TBC1D22A: variants seen among roughly 807,000 people sequenced by gnomAD.
TBC1D22A encodes TBC1 domain family member 22A.
Under a neutral mutation model 60.2 loss-of-function variants are expected in TBC1D22A, and 38 were observed. The ratio of observed to expected loss-of-function variants is 0.63; its 90% CI spans 0.49 to 0.83. TBC1D22A has a LOEUF of 0.83. TBC1D22A is among the 40% of genes least tolerant of loss of function. TBC1D22A has a pLI of 0.00. For synonymous variants in TBC1D22A, 302 were observed against 281.7 expected (o/e 1.07, Z -0.72); for missense variants, 628 against 701.0 (o/e 0.90, Z 1.18).
At chr22:46,792,837 C>T (rs769265299) in intron 2 of TBC1D22A, 1 of 1,437,602 alleles carries the variant, frequency 7.0e-7, no homozygotes, top group East Asian at 2.5e-5. Context: ...CAGGAGCTGG[C>T]ATCCTTTAGC....
chr22:47,129,292 C>T (rs560861225), intron 12 of TBC1D22A, among the ~76,000 whole-genome samples: 1 of 152,336 alleles, frequency 6.6e-6, no homozygotes, highest in East Asian at 1.9e-4. Context: ...TCCCAGCCAA[C>T]ATGGTGAAAC....
intron 9 of TBC1D22A, among the ~76,000 whole-genome samples, chr22:46,981,765 C>T (rs1054621357): frequency 1.4e-4 from 21 of 152,160 alleles, no homozygotes; most frequent in Admixed American, 3.9e-4. Context: ...TGCCCAGTCT[C>T]GGGCAGTTCT....
At chr22:46,823,664 G>A (rs145511960) in intron 4 of TBC1D22A, among the ~76,000 whole-genome samples, 7 of 152,350 alleles carry the variant, frequency 4.6e-5, no homozygotes, top group East Asian at 1.9e-4. Flanking sequence ...TGCCTGGCAC[G>A]TGGGCAGTAC....
chr22:46,830,178 A>G (rs1400572885), intron 4 of TBC1D22A, among the ~76,000 whole-genome samples: 1 of 152,204 alleles, frequency 6.6e-6, no homozygotes, highest in Non-Finnish European at 1.5e-5. Flanking sequence ...CAAGGCGGGA[A>G]TGCATGGGGA....
At chr22:47,004,239 ATC>A (rs2061503757) in intron 10 of TBC1D22A, among the ~76,000 whole-genome samples, 1 of 149,240 alleles carries the variant, frequency 6.7e-6, no homozygotes, top group Admixed American at 6.7e-5. Context: ...ATATACACGC[ATC>A]TGCCATATAC....
chr22:47,084,747 C>G (rs2064609459), intron 11 of TBC1D22A, among the ~76,000 whole-genome samples: 1 of 152,102 alleles, frequency 6.6e-6, no homozygotes, highest in Admixed American at 6.5e-5. Context: ...ATAGTTTATG[C>G]TTATCTTTAT....
chr22:47,134,115 G>A (rs927353961), intron 12 of TBC1D22A, among the ~76,000 whole-genome samples: 9 of 152,256 alleles, frequency 5.9e-5, no homozygotes, highest in South Asian at 2.1e-4. Context: ...TCCCTTGCAC[G>A]TTTCTGCCTG....
chr22:46,889,677 T>A (rs2068295287), intron 5 of TBC1D22A, among the ~76,000 whole-genome samples: 2 of 152,172 alleles, frequency 1.3e-5, no homozygotes, highest in Non-Finnish European at 2.9e-5. Flanking sequence ...TCACAGCTGA[T>A]TCACGTAACT....
chr22:46,987,977 C>A (rs564593942), intron 9 of TBC1D22A, among the ~76,000 whole-genome samples: 1 of 152,230 alleles, frequency 6.6e-6, no homozygotes, highest in South Asian at 2.1e-4. Context: ...TGTTCTGAAT[C>A]CTTTGTTGTC....
intron 8 of TBC1D22A, among the ~76,000 whole-genome samples, chr22:46,959,062 C>T (rs1004683996): frequency 6.6e-6 from 1 of 152,148 alleles, no homozygotes; most frequent in African/African-American, 2.4e-5. Flanking sequence ...AGAATGTGTG[C>T]TCCCGGCCGT....
At chr22:47,031,439 C>T (rs2062470588) in intron 10 of TBC1D22A, among the ~76,000 whole-genome samples, 1 of 152,256 alleles carries the variant, frequency 6.6e-6, no homozygotes, top group Non-Finnish European at 1.5e-5. Context: ...AGAGGAGCCT[C>T]TTGCCCTGGA....
chr22:47,155,768 C>A (rs909549106), intron 12 of TBC1D22A, among the ~76,000 whole-genome samples: 3 of 151,460 alleles, frequency 2.0e-5, no homozygotes, highest in Non-Finnish European at 1.5e-5. Context: ...GAGTGCCCAC[C>A]CTCAGGGGCG....
At chr22:47,019,456 G>A (rs1433805147) in intron 10 of TBC1D22A, among the ~76,000 whole-genome samples, 5 of 152,216 alleles carry the variant, frequency 3.3e-5, no homozygotes, top group Non-Finnish European at 7.3e-5. Context: ...GACAGCGAGC[G>A]TGAAGGACTG....
At chr22:47,138,594 G>GGGCC (rs1415170358) in intron 12 of TBC1D22A, among the ~76,000 whole-genome samples, 1 of 152,266 alleles carries the variant, frequency 6.6e-6, no homozygotes, top group Non-Finnish European at 1.5e-5. Context: ...CGTCCTTGGA[G>GGGCC]AGCCCCCTTG....
chr22:47,066,156 T>C (rs1382398919), intron 11 of TBC1D22A, among the ~76,000 whole-genome samples: 1 of 152,252 alleles, frequency 6.6e-6, no homozygotes, highest in Admixed American at 6.5e-5. Context: ...TGCTGGGGAC[T>C]AGATAAACCA....
rs537397495 is a variant in TBC1D22A, at chr22:46,990,170, A to C, written c.1126-7464A>C. ...TTTATTCTTGCAACTTGCTTTCTTA[A>C]CTTTTTAGTGTATGTTTAGACCACA... On this transcript the variant is annotated intron_variant, in intron 9 of 12. Transcript: ENST00000337137. This position sits in a 1 kb window ranked among gnomAD's most constrained non-coding sequence, Gnocchi z 4.6. Among the ~76,000 whole-genome samples the C allele has an allele frequency of 6.6e-6, 1 of 152,296 alleles. No homozygotes were observed. Among genetic ancestry groups the C allele is most frequent in the East Asian group, 1.9e-4 (1 of 5,184 alleles).
At chr22:46,773,770 C>T (rs147852082) in intron 1 of TBC1D22A, among the ~76,000 whole-genome samples, 16 of 152,242 alleles carry the variant, frequency 1.1e-4, no homozygotes, top group African/African-American at 3.1e-4. Flanking sequence ...CTGCACCCGG[C>T]GGGCTAGACA....
intron 4 of TBC1D22A, among the ~76,000 whole-genome samples, chr22:46,828,474 C>T (rs764770650): frequency 6.6e-6 from 1 of 152,254 alleles, no homozygotes; most frequent in Non-Finnish European, 1.5e-5. Flanking sequence ...TCTACCCACT[C>T]CCACGGCCTG....
intron 12 of TBC1D22A, among the ~76,000 whole-genome samples, chr22:47,139,790 C>G (rs2067012051): frequency 6.6e-6 from 1 of 152,186 alleles, no homozygotes; most frequent in Non-Finnish European, 1.5e-5. Flanking sequence ...AGGAGAAGCC[C>G]CGCTCTCACT....
Sources: gnomAD v4.1 joint callset for allele counts (sites outside exome capture counted in the v4.1 genomes callset) on GRCh38, gnomAD v4.1.1 for gene constraint, Gnocchi (gnomAD v3.1) non-coding constraint, MANE v1.5 for transcripts, NCBI Gene and HGNC (gene_info 2026-07-23, HGNC 2026-07-21) for gene names.